Variants in RIMBP2 observed in about 807,000 individuals in gnomAD.
RIMBP2 encodes the protein RIMS-binding protein 2.
Under a neutral mutation model 118.6 loss-of-function variants are expected in RIMBP2, and 48 were observed. The ratio of observed to expected loss-of-function variants is 0.40; its 90% CI spans 0.32 to 0.51. The LOEUF is 0.51. Ranked by LOEUF, RIMBP2 falls within the 20% of genes least tolerant of loss-of-function variation. RIMBP2 has a pLI of 0.41. For missense variants in RIMBP2, 1,551 were observed against 1,768.3 expected, an observed-to-expected ratio of 0.88 and a Z score of 2.20; for synonymous variants, 762 against 742.9, an observed-to-expected ratio of 1.03 and a Z score of -0.42.
intron 13 of RIMBP2, among the ~76,000 whole-genome samples, chr12:130,436,157 T>C (rs971515394): frequency 6.6e-6 from 1 of 152,204 alleles, no homozygotes; most frequent in African/African-American, 2.4e-5. Context: ...CCCCTAGCCC[T>C]GCACGGGGGG....
At chr12:130,572,978 C>T (rs117956392) in intron 2 of RIMBP2, among the ~76,000 whole-genome samples, 2 of 152,188 alleles carry the variant, frequency 1.3e-5, no homozygotes, top group East Asian at 1.9e-4. Flanking sequence ...GAGCTGTCCA[C>T]GGCAGCTGCG....
At chr12:130,456,342 G>A (rs773657841) in intron 7 of RIMBP2, among the ~76,000 whole-genome samples, 154 bp downstream of exon 7, 17 of 152,312 alleles carry the variant, frequency 1.1e-4, no homozygotes, top group African/African-American at 2.9e-4. Flanking sequence ...CCACGGCTGT[G>A]AGCAGCCCTG....
In RIMBP2 at chr12:130,523,634, C is replaced by T. The variant is rs187641033; in HGVS notation, c.-216-5717G>A. Among the ~76,000 whole-genome samples, 5 of 152,314 alleles carry T rather than the reference C, an allele frequency of 3.3e-5. No individual in the cohort carries two copies. The highest frequency in any genetic ancestry group is 1.9e-4 in the East Asian group (1 of 5,174). On this transcript the variant is annotated intron_variant, in intron 2 of 22. Transcript: ENST00000690449. This position sits in a 1 kb window ranked among gnomAD's most constrained non-coding sequence, Gnocchi z 4.4. ...AACTGACAAGAGAAAGGAAAAAGCA[C>T]GTTCTTTCAATAAACTTGTCAATTT... is the stretch of plus-strand genomic sequence containing the variant.
At chr12:130,599,617 C>T (rs932555873) in intron 2 of RIMBP2, among the ~76,000 whole-genome samples, 5 of 152,272 alleles carry the variant, frequency 3.3e-5, no homozygotes, top group African/African-American at 1.2e-4. Flanking sequence ...CATGCAAGTG[C>T]TAGCAAGGAT....
chr12:130,421,689 ATATGTG>A (rs1218054971), intron 17 of RIMBP2, among the ~76,000 whole-genome samples: 4 of 106,954 alleles, frequency 3.7e-5, no homozygotes, highest in Non-Finnish European at 6.9e-5. Context: ...CCCTGCATTT[ATATGTG>A]TGTGTGTGTG....
intron 6 of RIMBP2, among the ~76,000 whole-genome samples, chr12:130,457,134 G>A (rs2079523061): frequency 6.6e-6 from 1 of 152,196 alleles, no homozygotes. Context: ...AGGCTGTGAT[G>A]CGGCCCAGAC....
At chr12:130,496,967 C>T (rs919421516) in intron 4 of RIMBP2, among the ~76,000 whole-genome samples, 3 of 152,174 alleles carry the variant, frequency 2.0e-5, no homozygotes, top group African/African-American at 7.2e-5. Flanking sequence ...CGGAAGTCTT[C>T]AGTCGAGGTG....
At chr12:130,510,812 G>A (rs1163648395) in intron 3 of RIMBP2, among the ~76,000 whole-genome samples, 1 of 152,062 alleles carries the variant, frequency 6.6e-6, no homozygotes, top group African/African-American at 2.4e-5. Context: ...CACAATTATG[G>A]TTTTGCATTT....
intron 11 of RIMBP2, among the ~76,000 whole-genome samples, chr12:130,438,808 G>A (rs926225909): frequency 1.3e-5 from 2 of 152,082 alleles, no homozygotes; most frequent in Non-Finnish European, 2.9e-5. Context: ...CTCCTTACCT[G>A]TCCTCAGTCT....
intron 4 of RIMBP2, among the ~76,000 whole-genome samples, chr12:130,480,438 G>A (rs1359202775): frequency 1.3e-5 from 2 of 152,234 alleles, no homozygotes; most frequent in East Asian, 3.9e-4. Context: ...ACATCCGAGG[G>A]CCACACAGAT....
intron 2 of RIMBP2, among the ~76,000 whole-genome samples, chr12:130,540,602 T>A (rs1335056540): frequency 2.0e-5 from 3 of 152,154 alleles, no homozygotes; most frequent in Non-Finnish European, 4.4e-5. Context: ...TCGCCCGTCA[T>A]GACTGCCTAA....
At position 130,436,870 on chromosome 12, in the gene RIMBP2, G is replaced by A; in HGVS notation, c.2078C>T (p.Ala693Val). The change falls in exon 13 of 23, where the codon GCC becomes GTC. Residue 693 changes from alanine (A) to valine (V), a missense_variant. Physicochemically the swap from Ala to Val is moderately conservative, Grantham distance 64. Transcript: ENST00000690449. ...TTVAKAMARE[A>V]AQRVAESSRL... is the part of the protein sequence containing the mutation. ...GCTGCTCTCGGCCACCCTCTGCGCG[G>A]CCTCCCGGGCCATGGCCTTGGCGAC... 1 of 1,529,494 alleles carries A rather than the reference G, an allele frequency of 6.5e-7. No individual in the cohort carries two copies. Among genetic ancestry groups the A allele is most frequent in the Admixed American group, 2.0e-5 (1 of 48,920 alleles). 94.7% of individuals were successfully genotyped at this position (1,529,494 alleles called of 1,614,324 possible).
rs141420181 is a variant in RIMBP2, at chr12:130,586,409, G to A, written c.-217+41913C>T. 3.9e-3 allele frequency among the ~76,000 whole-genome samples: 590 copies of A among 152,276 alleles called. 3 individuals carry two copies. The highest frequency in any genetic ancestry group is 0.024 in the Middle Eastern group (7 of 294). On this transcript the variant is annotated intron_variant, in intron 2 of 22. Coordinates refer to ENST00000690449, the MANE Select transcript of RIMBP2 (RefSeq NM_001393629.1). ...AGAAGTTGCAGTGAGCCAAGATAAC[G>A]CCACAGCACTCGAGCCTGGGCAATA...
intron 2 of RIMBP2, among the ~76,000 whole-genome samples, chr12:130,548,839 A>G (rs567233853): frequency 5.3e-5 from 8 of 151,914 alleles, no homozygotes; most frequent in South Asian, 2.1e-4. Flanking sequence ...GGGAGGCCTC[A>G]GCCTCCCAAA....
chr12:130,714,076 G>A (rs565209057), intron 1 of RIMBP2, among the ~76,000 whole-genome samples: 3 of 152,180 alleles, frequency 2.0e-5, no homozygotes, highest in Non-Finnish European at 4.4e-5. Flanking sequence ...GCTCACCAAC[G>A]TGTGAGAATC....
At chr12:130,479,886 C>A (rs1593458523) in intron 4 of RIMBP2, among the ~76,000 whole-genome samples, 3 of 151,798 alleles carry the variant, frequency 2.0e-5, no homozygotes, top group East Asian at 4.0e-4. Context: ...TTAACTCTCA[C>A]CTATTTGCCC....
chr12:130,653,960 C>T (rs1378126104), intron 1 of RIMBP2, among the ~76,000 whole-genome samples: 1 of 152,204 alleles, frequency 6.6e-6, no homozygotes, highest in Non-Finnish European at 1.5e-5. Flanking sequence ...TTCTTTCCTC[C>T]TAGGCCTCTG....
At chr12:130,428,069 G>A (rs1453941384) in intron 15 of RIMBP2, 110 bp downstream of exon 15, 1 of 1,017,176 alleles carries the variant, frequency 9.8e-7, no homozygotes, top group East Asian at 2.7e-5. Flanking sequence ...GAGGGCTACT[G>A]GTTGTAGGGC....
At chr12:130,504,554 A>T (rs1309327889) in intron 4 of RIMBP2, among the ~76,000 whole-genome samples, 1 of 152,124 alleles carries the variant, frequency 6.6e-6, no homozygotes, top group Non-Finnish European at 1.5e-5. Context: ...TTGCAGCTGG[A>T]AAGGCAAGGA....
Sources: gnomAD v4.1 joint callset for allele counts (sites outside exome capture counted in the v4.1 genomes callset) on GRCh38, gnomAD v4.1.1 for gene constraint, Gnocchi (gnomAD v3.1) non-coding constraint, MANE v1.5 for transcripts, NCBI Gene and HGNC (gene_info 2026-07-23, HGNC 2026-07-21) for gene names.